Variants in MAP2K5 observed in about 807,000 individuals in gnomAD.
MAP2K5 encodes the protein dual specificity mitogen-activated protein kinase kinase 5.
In MAP2K5, 49 loss-of-function variants were observed where a neutral mutation model predicts 83.1. The observed-to-expected ratio is 0.59, with a 90% CI of 0.47 to 0.75. The LOEUF is 0.75. Among genes scored for constraint, MAP2K5 ranks in the 30% least tolerant of loss-of-function variants. MAP2K5 has a pLI of 0.00. For synonymous variants in MAP2K5, 202 were observed against 191.8 expected (o/e 1.05, Z -0.44); for missense variants, 457 against 557.5 (o/e 0.82, Z 1.82).
At chr15:67,579,286 C>T (rs989068661) in intron 3 of MAP2K5, among the ~76,000 whole-genome samples, 3 of 152,160 alleles carry the variant, frequency 2.0e-5, no homozygotes, top group South Asian at 4.1e-4. Flanking sequence ...AAGTCATTTT[C>T]GGACAATTTT....
chr15:67,576,928 A>AT (rs1312276789), intron 3 of MAP2K5, among the ~76,000 whole-genome samples: 1 of 136,604 alleles, frequency 7.3e-6, no homozygotes, highest in African/African-American at 2.6e-5. Context: ...CTATATATAT[A>AT]TTTTTTTTTT....
chr15:67,668,924 G>A lies in MAP2K5; in HGVS notation c.847+4279G>A, dbSNP rs142296324. Among the ~76,000 whole-genome samples, 668 of 152,110 alleles carry A rather than the reference G, an allele frequency of 4.4e-3. 3 individuals are homozygous for A. Among genetic ancestry groups the A allele is most frequent in the African/African-American group, 0.015 (631 of 41,516 alleles). On this transcript the variant is annotated intron_variant, in intron 13 of 21. Transcript: ENST00000178640. The surrounding 1 kb of genome is among the most constrained non-coding windows in gnomAD (Gnocchi z 4.0). The stretch of plus-strand genomic sequence containing the variant: ...CAATAGGAGAACTTTTTAAAAATAC[G>A]TTTTTGCAGAAATTCTGTAGGAAAA...
Position 67,760,574 on chromosome 15 carries a change from A to G in MAP2K5, c.1135-9028A>G, listed in dbSNP as rs1324290793. ...CCCATAATTTTGATTTAGTAAGTCA[A>G]TTAGATTTGTGGGGATTTTTTAACC... On this transcript the variant is annotated intron_variant, in intron 19 of 21. Coordinates refer to ENST00000178640, the MANE Select transcript of MAP2K5 (RefSeq NM_145160.3). This position sits in a 1 kb window ranked among gnomAD's most constrained non-coding sequence, Gnocchi z 4.1. Among the ~76,000 whole-genome samples the G allele has an allele frequency of 6.6e-6, 1 of 152,220 alleles. No homozygotes were observed. Among genetic ancestry groups the G allele is most frequent in the Non-Finnish European group, 1.5e-5 (1 of 68,034 alleles).
intron 3 of MAP2K5, among the ~76,000 whole-genome samples, chr15:67,576,987 C>A (rs1211630552): frequency 7.4e-6 from 1 of 135,684 alleles, no homozygotes; most frequent in Admixed American, 7.2e-5. Flanking sequence ...GGACTGCGGA[C>A]TGCAGTGGCG....
At chr15:67,789,123 A>G (rs2090469917) in intron 21 of MAP2K5, among the ~76,000 whole-genome samples, 1 of 152,084 alleles carries the variant, frequency 6.6e-6, no homozygotes, top group South Asian at 2.1e-4. Flanking sequence ...AATTCTTTTT[A>G]TTCTGCACCT....
chr15:67,664,646 G>T lies in MAP2K5; in HGVS notation c.847+1G>T. 1.2e-6 allele frequency: 2 copies of T among 1,600,502 alleles called. No homozygotes were observed. Among genetic ancestry groups the T allele is most frequent in the Non-Finnish European group, 1.7e-6 (2 of 1,168,086 alleles). ...TGGAGTTTAAAGATTTTACATAGAG[G>T]TATGTGCTGGGCTTATAAGCTTGGA... On this transcript the variant is annotated splice_donor_variant, in intron 13 of 21. Coordinates refer to ENST00000178640, the MANE Select transcript of MAP2K5 (RefSeq NM_145160.3). LOFTEE classifies it high-confidence loss of function.
At chr15:67,545,209 G>A (rs764808942) in intron 1 of MAP2K5, among the ~76,000 whole-genome samples, 68 of 152,230 alleles carry the variant, frequency 4.5e-4, no homozygotes, top group Non-Finnish European at 7.5e-4. Flanking sequence ...CCTCTGTGTC[G>A]TCACAGCTTT....
chr15:67,578,872 G>A (rs1463851367), intron 3 of MAP2K5, among the ~76,000 whole-genome samples: 1 of 152,124 alleles, frequency 6.6e-6, no homozygotes, highest in African/African-American at 2.4e-5. Context: ...TACATTTGAG[G>A]TTATTTGTTT....
chr15:67,643,693 G>A (rs765671513), intron 9 of MAP2K5, among the ~76,000 whole-genome samples: 18 of 152,016 alleles, frequency 1.2e-4, no homozygotes, highest in African/African-American at 1.9e-4. Context: ...TGATCTGCCC[G>A]CCTCAGCCTC....
intron 8 of MAP2K5, among the ~76,000 whole-genome samples, chr15:67,629,794 T>C (rs180999744): frequency 3.2e-4 from 49 of 152,326 alleles, no homozygotes; most frequent in Admixed American, 5.9e-4. Flanking sequence ...TACTTCCTTA[T>C]ATTAATATTT....
Position 67,617,684 on chromosome 15 carries a change from A to G in MAP2K5, c.546-13204A>G, listed in dbSNP as rs181459720. Among the ~76,000 whole-genome samples, 32 of 151,820 alleles carry G rather than the reference A, an allele frequency of 2.1e-4. No homozygotes were observed. The East Asian group carries it at 3.7e-3, about 17-fold the overall frequency. ...TTTAACATGTTATTTTCACATATTT[A>G]TTTTCCTTACTTTTATTTATTTTTT... On this transcript the variant is annotated intron_variant, in intron 8 of 21. Coordinates refer to ENST00000178640, the MANE Select transcript of MAP2K5 (RefSeq NM_145160.3).
At chr15:67,588,103 T>A in intron 6 of MAP2K5, 1 of 985,418 alleles carries the variant, frequency 1.0e-6, no homozygotes, top group Non-Finnish European at 1.2e-6. Flanking sequence ...CTCTTCATGC[T>A]TTCAAGATGA....
chr15:67,727,924 T>C lies in MAP2K5; in HGVS notation c.1053T>C (p.Leu351=). ...SLGISFMELA[L]GRFPYPQIQK... Reference sequence around the variant, plus strand: ...ATTATTTCCTTTCCCAGCTTGCTCTTGGGAGGTTTCCATATCCTCAGGTAA... The same window carrying C: ...ATTATTTCCTTTCCCAGCTTGCTCTCGGGAGGTTTCCATATCCTCAGGTAA... The change falls in exon 17 of 22, where the codon CTT becomes CTC. Residue 351 remains leucine (L), a synonymous_variant. Coordinates refer to ENST00000178640, the MANE Select transcript of MAP2K5 (RefSeq NM_145160.3). The C allele has an allele frequency of 6.2e-7, 1 of 1,612,360 alleles. No homozygotes were observed. Among genetic ancestry groups the C allele is most frequent in the Non-Finnish European group, 8.5e-7 (1 of 1,178,400 alleles).
chr15:67,644,790 GA>G lies in MAP2K5; in HGVS notation c.586-1431del, dbSNP rs894699031. Among the ~76,000 whole-genome samples, 13 of 146,776 alleles carry G rather than the reference GA, an allele frequency of 8.9e-5. No homozygotes were observed. The highest frequency in any genetic ancestry group is 4.3e-4 in the South Asian group (2 of 4,638). Reference sequence around the variant, plus strand: ...ATTAGCAAAGAACATTACCTGACTGGAAAAAAAAAAGATGATATATTTTTAA... The same window carrying G: ...ATTAGCAAAGAACATTACCTGACTGGAAAAAAAAAGATGATATATTTTTAA... On this transcript the variant is annotated intron_variant, in intron 9 of 21. Transcript: ENST00000178640. The surrounding 1 kb of genome is among the most constrained non-coding windows in gnomAD (Gnocchi z 4.6).
At position 67,652,080 on chromosome 15, in the gene MAP2K5, C is replaced by T. The variant is rs920569680; in HGVS notation, c.736+5611C>T. Reference sequence around the variant, plus strand: ...TTTCAGCTGGAGTGAGAGGATATCTCACTGTGGTTTTGATTTGCATTTCCC... The same window carrying T: ...TTTCAGCTGGAGTGAGAGGATATCTTACTGTGGTTTTGATTTGCATTTCCC... On this transcript the variant is annotated intron_variant, in intron 11 of 21. Transcript: ENST00000178640. This position sits in a 1 kb window ranked among gnomAD's most constrained non-coding sequence, Gnocchi z 4.2. 2.6e-5 allele frequency among the ~76,000 whole-genome samples: 4 copies of T among 152,134 alleles called. No individual in the cohort carries two copies. The highest frequency in any genetic ancestry group is 4.4e-5 in the Non-Finnish European group (3 of 68,030).
At chr15:67,798,899 G>A (rs1444879527) in intron 21 of MAP2K5, among the ~76,000 whole-genome samples, 2 of 152,110 alleles carry the variant, frequency 1.3e-5, no homozygotes, top group Admixed American at 6.5e-5. Context: ...AGCCGGGCAC[G>A]GTGGCTCACG....
intron 21 of MAP2K5, among the ~76,000 whole-genome samples, chr15:67,798,863 A>G (rs975120789): frequency 2.0e-5 from 3 of 152,148 alleles, no homozygotes; most frequent in Middle Eastern, 3.2e-3. Context: ...AAATATGGAA[A>G]AGCTTTAGAA....
At chr15:67,548,604 T>C (rs1255074886) in intron 1 of MAP2K5, among the ~76,000 whole-genome samples, 1 of 152,232 alleles carries the variant, frequency 6.6e-6, no homozygotes, top group Non-Finnish European at 1.5e-5. Flanking sequence ...TGCACTCAGC[T>C]GTGCCAGAGA....
chr15:67,592,427 A>C (rs946293846), intron 6 of MAP2K5, among the ~76,000 whole-genome samples: 7 of 152,182 alleles, frequency 4.6e-5, no homozygotes, highest in Non-Finnish European at 7.4e-5. Context: ...GTCCCAGATC[A>C]CACAGCTAGT....
Sources: allele counts gnomAD v4.1 joint callset (sites outside exome capture counted in the v4.1 genomes callset), GRCh38; gene constraint gnomAD v4.1.1; non-coding constraint Gnocchi (gnomAD v3.1); transcripts MANE v1.5; gene names NCBI Gene and HGNC (gene_info 2026-07-23, HGNC 2026-07-21).